Variants in LRRC28 observed in about 807,000 individuals in gnomAD.
LRRC28 encodes leucine rich repeat containing 28, also known as leucine-rich repeat-containing protein 28.
Under a neutral mutation model 45.7 loss-of-function variants are expected in LRRC28, and 39 were observed. The ratio of observed to expected loss-of-function variants is 0.85; its 90% CI spans 0.66 to 1.12. The LOEUF (loss-of-function observed/expected upper bound fraction) is 1.12. LRRC28 is among the 50% of genes most tolerant of loss of function. The pLI, the probability that LRRC28 is intolerant of heterozygous loss-of-function variation, is 0.00. For missense variants in LRRC28, 435 were observed against 438.5 expected, an observed-to-expected ratio of 0.99 and a Z score of 0.07; for synonymous variants, 206 against 178.8, an observed-to-expected ratio of 1.15 and a Z score of -1.22.
intron 5 of LRRC28, 21 bp from the exon 6 acceptor site, chr15:99,333,902 T>A: frequency 6.2e-7 from 1 of 1,612,804 alleles, no homozygotes. Context: ...CAATTTATCC[T>A]AATTTTGATT....
At chr15:99,338,651 A>G (rs749892182) in intron 6 of LRRC28, among the ~76,000 whole-genome samples, 15 of 152,208 alleles carry the variant, frequency 9.9e-5, no homozygotes, top group Non-Finnish European at 1.0e-4. Context: ...AATGAATTCA[A>G]TTTCTTGCCA....
rs906091018 is a variant in LRRC28 at position 99,388,401 on chromosome 15, C to G, written c.*2299C>G. ...TGCTTACAATCCAGGCATTCTTTCT[C>G]TACCTATTATGAACTACGGTGTGTT... On this transcript the variant is annotated 3_prime_UTR_variant, in exon 10 of 10. Coordinates refer to ENST00000301981, the MANE Select transcript of LRRC28 (RefSeq NM_144598.5). 6.6e-6 allele frequency: 1 copy of G among 152,246 alleles called. No individual in the cohort carries two copies. Among genetic ancestry groups the G allele is most frequent in the South Asian group, 2.1e-4 (1 of 4,832 alleles). The allele number at this position is 152,246 out of a possible 1,614,324, so 9.4% of individuals were successfully genotyped here. A position where few individuals can be genotyped will look rare whatever the true frequency, so the allele number is the denominator to read the frequency against.
At chr15:99,287,074 AT>A (rs2081976930) in intron 3 of LRRC28, among the ~76,000 whole-genome samples, 182 bp from the exon 4 acceptor site, 1 of 152,178 alleles carries the variant, frequency 6.6e-6, no homozygotes. Context: ...GGTACAAAAT[AT>A]TTTTCTCAAA....
chr15:99,324,920 A>G (rs11857504), intron 5 of LRRC28, among the ~76,000 whole-genome samples: 3,159 of 152,292 alleles, frequency 0.021, 119 homozygotes, highest in African/African-American at 0.072. Flanking sequence ...TAATTTCAGC[A>G]TGACACAGCA....
At chr15:99,284,434 T>G (rs1425310242) in intron 3 of LRRC28, among the ~76,000 whole-genome samples, 6 of 152,220 alleles carry the variant, frequency 3.9e-5, no homozygotes, top group Non-Finnish European at 8.8e-5. Context: ...ATACAGTTAT[T>G]CACAAATACA....
At chr15:99,262,588 A>C (rs141659381) in intron 2 of LRRC28, among the ~76,000 whole-genome samples, 101 of 152,274 alleles carry the variant, frequency 6.6e-4, no homozygotes, top group African/African-American at 2.3e-3. Flanking sequence ...TCTCAAAAAA[A>C]ATTTTTTTAA....
In LRRC28 at chr15:99,373,289, G is replaced by A. The variant is rs534425758; in HGVS notation, c.1031+10024G>A. The stretch of plus-strand genomic sequence containing the variant: ...TATGTCTGTGGTTCTTTTCAATTGT[G>A]ATTTATTCAAATGTATACATCCTGG... On this transcript the variant is annotated intron_variant, in intron 9 of 9. Coordinates refer to ENST00000301981, the MANE Select transcript of LRRC28 (RefSeq NM_144598.5). Among the ~76,000 whole-genome samples, 99 of 152,130 alleles carry A rather than the reference G, an allele frequency of 6.5e-4. 1 individual carries two copies. Among genetic ancestry groups the A allele is most frequent in the African/African-American group, 2.3e-3 (96 of 41,508 alleles).
chr15:99,358,539 G>A (rs552730830), intron 7 of LRRC28, among the ~76,000 whole-genome samples: 10 of 152,212 alleles, frequency 6.6e-5, no homozygotes, highest in African/African-American at 1.9e-4. Flanking sequence ...CTTCTATAAA[G>A]TATTGTAATC....
intron 7 of LRRC28, 154 bp from the exon 8 acceptor site, chr15:99,361,182 G>A: frequency 2.2e-6 from 2 of 917,656 alleles, no homozygotes; most frequent in Non-Finnish European, 3.1e-6. Context: ...TTTTATGAAG[G>A]AACCCGGGAT....
chr15:99,252,167 T>G (rs1255091541), intron 1 of LRRC28, among the ~76,000 whole-genome samples: 1 of 152,216 alleles, frequency 6.6e-6, no homozygotes, highest in Non-Finnish European at 1.5e-5. Flanking sequence ...TTGCCTTAAC[T>G]ACATAAGAGG....
intron 6 of LRRC28, among the ~76,000 whole-genome samples, chr15:99,346,122 T>C (rs1956673354): frequency 6.6e-6 from 1 of 152,204 alleles, no homozygotes; most frequent in Non-Finnish European, 1.5e-5. Context: ...GGTGGGACTC[T>C]AGACATGGGC....
chr15:99,363,600 G>A (rs1219393714), intron 9 of LRRC28, among the ~76,000 whole-genome samples: 1 of 152,208 alleles, frequency 6.6e-6, no homozygotes, highest in Admixed American at 6.5e-5. Flanking sequence ...TACATAACGG[G>A]ATGAGCCCAG....
At chr15:99,367,749 G>T (rs1957379109) in intron 9 of LRRC28, among the ~76,000 whole-genome samples, 1 of 152,150 alleles carries the variant, frequency 6.6e-6, no homozygotes, top group East Asian at 1.9e-4. Context: ...CTCTGGGCAT[G>T]CCATCTTCCA....
chr15:99,266,980 C>T (rs577860945), intron 2 of LRRC28, among the ~76,000 whole-genome samples: 1 of 152,232 alleles, frequency 6.6e-6, no homozygotes, highest in African/African-American at 2.4e-5. Flanking sequence ...CTGAAAGAAA[C>T]AGCCTTACTT....
chr15:99,297,950 T>C (rs1323683252), intron 5 of LRRC28, among the ~76,000 whole-genome samples: 1 of 151,600 alleles, frequency 6.6e-6, no homozygotes. Context: ...CAGTGACAAA[T>C]ACATACAGAA....
chr15:99,306,873 G>A (rs1345988054), intron 5 of LRRC28, among the ~76,000 whole-genome samples: 1 of 152,176 alleles, frequency 6.6e-6, no homozygotes, highest in Non-Finnish European at 1.5e-5. Context: ...CCTATCCACT[G>A]ACATGTTTCC....
At chr15:99,282,191 T>TTTTTTTTTTTTTTTTTTTTTTTTTTG (rs1327794715) in intron 3 of LRRC28, among the ~76,000 whole-genome samples, 2 of 138,286 alleles carry the variant, frequency 1.4e-5, no homozygotes, top group South Asian at 2.4e-4. Flanking sequence ...TTTTTTTTTT[T>TTTTTTTTTTTTTTTTTTTTTTTTTTG]GTAGCAGTAG....
chr15:99,386,209 C>T lies in LRRC28; in HGVS notation c.*107C>T. On this transcript the variant is annotated 3_prime_UTR_variant, in exon 10 of 10. Transcript: ENST00000301981. ...TGTCCAATGCGGGGGCACTGCAGAA[C>T]TCTCTAGAAATGTCATGATTGAGCT... 1.1e-6 allele frequency: 1 copy of T among 880,258 alleles called. No individual in the cohort carries two copies. Among genetic ancestry groups the T allele is most frequent in the Non-Finnish European group, 1.9e-6 (1 of 527,820 alleles). 54.5% of individuals were successfully genotyped at this position (880,258 alleles called of 1,614,324 possible).
rs930406684 is a variant in LRRC28 at position 99,377,796 on chromosome 15, G to A, written c.1032-8234G>A. On this transcript the variant is annotated intron_variant, in intron 9 of 9. Transcript: ENST00000301981. The stretch of plus-strand genomic sequence containing the variant: ...TTTTCCCAGCACCATTTATTAAATA[G>A]GGAATCCTTTCCCCATTTCTTGTTT... Among the ~76,000 whole-genome samples the A allele has an allele frequency of 3.2e-3, 491 of 152,226 alleles. 3 individuals are homozygous for A. The highest frequency in any genetic ancestry group is 0.011 in the African/African-American group (456 of 41,542).
Sources: allele counts gnomAD v4.1 joint callset (sites outside exome capture counted in the v4.1 genomes callset), GRCh38; gene constraint gnomAD v4.1.1; transcripts MANE v1.5; gene names NCBI Gene and HGNC (gene_info 2026-07-23, HGNC 2026-07-21).